Variants in KIDINS220 observed in about 807,000 individuals in gnomAD.
KIDINS220 encodes kinase D-interacting substrate of 220 kDa.
Under a neutral mutation model 157.6 loss-of-function variants are expected in KIDINS220, and 63 were observed. The ratio of observed to expected loss-of-function variants is 0.40; its 90% CI spans 0.33 to 0.49. The LOEUF is 0.49. Among genes scored for constraint, KIDINS220 ranks in the 20% least tolerant of loss-of-function variants. KIDINS220 has a pLI of 0.66. For missense variants in KIDINS220, 1,772 were observed against 2,171.2 expected (o/e 0.82, Z 3.65); for synonymous variants, 732 against 783.6 (o/e 0.93, Z 1.10).
intron 12 of KIDINS220, among the ~76,000 whole-genome samples, chr2:8,793,575 G>A (rs1031207792): frequency 2.0e-5 from 3 of 152,122 alleles, no homozygotes; most frequent in Non-Finnish European, 4.4e-5. Flanking sequence ...AAGAAGCTAG[G>A]ACTACAAGCA....
At chr2:8,777,020 T>C (rs1471008062) in intron 20 of KIDINS220, 128 bp from the exon 21 acceptor site, 9 of 921,636 alleles carry the variant, frequency 9.8e-6, no homozygotes, top group Non-Finnish European at 1.5e-5. Flanking sequence ...AGGAATATCA[T>C]ACAGTAATAA....
chr2:8,825,372 C>CAAAAAAAAAAAAAAGA (rs369409976), intron 2 of KIDINS220, among the ~76,000 whole-genome samples: 3 of 108,610 alleles, frequency 2.8e-5, no homozygotes, highest in East Asian at 2.5e-4. Flanking sequence ...GACTCCGTCT[C>CAAAAAAAAAAAAAAGA]AAAAAAAAAA....
intron 27 of KIDINS220, 79 bp from the exon 28 acceptor site, chr2:8,734,832 C>T (rs1664643822): frequency 3.9e-6 from 4 of 1,036,596 alleles, no homozygotes; most frequent in Admixed American, 2.4e-5. Flanking sequence ...GCCAAGTATG[C>T]TTATATTTAG....
intron 8 of KIDINS220, among the ~76,000 whole-genome samples, chr2:8,802,656 G>A (rs941655471): frequency 3.9e-5 from 6 of 152,024 alleles, no homozygotes; most frequent in African/African-American, 1.4e-4. Flanking sequence ...AGAAGTTAGG[G>A]CACAAGAAAG....
intron 1 of KIDINS220, among the ~76,000 whole-genome samples, chr2:8,827,639 A>G (rs936978386): frequency 3.9e-5 from 6 of 152,072 alleles, no homozygotes; most frequent in Admixed American, 1.3e-4. Flanking sequence ...ATCGCTTCCT[A>G]ACTGGCCTCC....
chr2:8,788,776 C>T lies in KIDINS220; in HGVS notation c.1658G>A (p.Ser553Asn). 1 of 1,613,782 alleles carries T rather than the reference C, an allele frequency of 6.2e-7. No individual in the cohort carries two copies. The highest frequency in any genetic ancestry group is 8.5e-7 in the Non-Finnish European group (1 of 1,179,926). Reference sequence around the variant, plus strand: ...GCTGAGGACCCAGGCCCAATTCCAACTCTCTCCTTCTCTTCGTCCACCAAA... The same window carrying T: ...GCTGAGGACCCAGGCCCAATTCCAATTCTCTCCTTCTCTTCGTCCACCAAA... Reference protein sequence around the residue: ...IYFGGRREGESWNWAWVLSTR... With the variant: ...IYFGGRREGENWNWAWVLSTR... Residue 553 changes from serine (S) to asparagine (N), a missense_variant, in exon 15 of 30, where the codon AGT becomes AAT. Around this residue, in one of 3 missense-constraint regions of KIDINS220, gnomAD observed 725 missense variants for 1,017.1 expected, o/e 0.71. Transcript: ENST00000256707.
intron 22 of KIDINS220, among the ~76,000 whole-genome samples, chr2:8,764,596 A>G (rs1475506132): frequency 6.6e-6 from 1 of 152,190 alleles, no homozygotes; most frequent in African/African-American, 2.4e-5. Flanking sequence ...CATTCAGTCA[A>G]TGTGTACTGA....
At position 8,788,496 on chromosome 2, in the gene KIDINS220, T is replaced by C. The variant is rs1053923995; in HGVS notation, c.1787+151A>G. 3.4e-5 allele frequency: 21 copies of C among 622,284 alleles called. No individual in the cohort carries two copies. The South Asian group carries it at 3.6e-4, about 11-fold the overall frequency. The allele number at this position is 622,284 out of a possible 1,614,324, so 38.5% of individuals were successfully genotyped here. A position where few individuals can be genotyped will look rare whatever the true frequency, so the allele number is the denominator to read the frequency against. On this transcript the variant is annotated intron_variant, in intron 15 of 29. Coordinates refer to ENST00000256707, the MANE Select transcript of KIDINS220 (RefSeq NM_020738.4). ...GTTGGCCAGGCTGGTCTCGAACTCCTGACCTCAGGTGATCTGCCCACCTTG... is the reference window on the plus strand; with the variant it reads ...GTTGGCCAGGCTGGTCTCGAACTCCCGACCTCAGGTGATCTGCCCACCTTG...
rs748531715 is a variant in KIDINS220 at position 8,750,272 on chromosome 2, T to C, written c.3254A>G (p.His1085Arg). The part of the protein sequence containing the change: ...GGLAYPPLPL[H>R]EGPPRAPSGY... ...TGATGGCGCCCTAGGAGGACCCTCA[T>C]GTAGAGGGAGCGGGGGGTACGCCAG... is the stretch of plus-strand genomic sequence containing the variant. The change falls in exon 24 of 30, where the codon CAT (histidine) becomes CGT (arginine). Residue 1085 changes from histidine (H) to arginine (R), a missense_variant. Physicochemically the swap from His to Arg is conservative, Grantham distance 29. Around this residue, in one of 3 missense-constraint regions of KIDINS220, gnomAD observed 793 missense variants for 885.5 expected, o/e 0.90. Transcript: ENST00000256707. The C allele has an allele frequency of 1.4e-5, 22 of 1,613,728 alleles. No homozygotes were observed. In the African/African-American group the frequency reaches 1.9e-4, roughly 14 times the overall value.
intron 3 of KIDINS220, 98 bp from the exon 4 acceptor site, chr2:8,817,814 C>G (rs1677305741): frequency 5.2e-6 from 4 of 767,956 alleles, no homozygotes; most frequent in Non-Finnish European, 8.4e-6. Flanking sequence ...ATGATCATAC[C>G]AAGTTGACAT....
intron 9 of KIDINS220, among the ~76,000 whole-genome samples, chr2:8,799,679 C>T (rs2148317227): frequency 6.6e-6 from 1 of 152,234 alleles, no homozygotes; most frequent in Non-Finnish European, 1.5e-5. Flanking sequence ...ATGTTAATTC[C>T]CCCATAACAT....
intron 8 of KIDINS220, among the ~76,000 whole-genome samples, chr2:8,801,494 A>C (rs1674680803): frequency 6.6e-6 from 1 of 152,240 alleles, no homozygotes; most frequent in Non-Finnish European, 1.5e-5. Context: ...CTAGGAAACA[A>C]GACAGACGCG....
chr2:8,785,712 A>AT (rs1381868332), intron 17 of KIDINS220, 29 bp downstream of exon 17: 3 of 1,577,728 alleles, frequency 1.9e-6, no homozygotes, highest in Non-Finnish European at 2.6e-6. Flanking sequence ...TCGCATTACA[A>AT]TTTTTTCTAA....
At chr2:8,727,096 T>C (rs532744228), downstream of KIDINS220, 98 of 1,048,272 alleles carry the variant, frequency 9.3e-5, 1 homozygote, top group South Asian at 1.5e-3. Flanking sequence ...TTCAGTTGCA[T>C]AATTATGGCC....
intron 26 of KIDINS220, among the ~76,000 whole-genome samples, chr2:8,744,051 T>TTATTAATA (rs1157850554): frequency 1.4e-5 from 2 of 147,956 alleles, no homozygotes; most frequent in Admixed American, 1.4e-4. Flanking sequence ...AGGATTTGTT[T>TTATTAATA]TATTAATATA....
At position 8,729,199 on chromosome 2, in the gene KIDINS220, A is replaced by G; in HGVS notation, c.*1521T>C. 1 of 985,020 alleles carries G rather than the reference A, an allele frequency of 1.0e-6. No homozygotes were observed. Among genetic ancestry groups the G allele is most frequent in the South Asian group, 4.7e-5 (1 of 21,282 alleles). The allele number at this position is 985,020 out of a possible 1,614,324, so 61.0% of individuals were successfully genotyped here. A position where few individuals can be genotyped will look rare whatever the true frequency, so the allele number is the denominator to read the frequency against. The stretch of plus-strand genomic sequence containing the variant: ...AAACATTTGTTAAAGATCATGCAAA[A>G]TAAACACTGTATTAAAATGCTAGAT... On this transcript the variant is annotated 3_prime_UTR_variant, in exon 30 of 30. Transcript: ENST00000256707.
chr2:8,785,910 A>G lies in KIDINS220; in HGVS notation c.2060T>C (p.Leu687Pro), dbSNP rs1672334680. 5.0e-6 allele frequency: 8 copies of G among 1,614,230 alleles called. No homozygotes were observed. The highest frequency in any genetic ancestry group is 6.8e-6 in the Non-Finnish European group (8 of 1,180,028). The change falls in exon 17 of 30, where the codon CTG becomes CCG. Residue 687 changes from leucine (L) to proline (P), a missense_variant. Physicochemically the swap from Leu to Pro is moderately conservative, Grantham distance 98. Coordinates refer to ENST00000256707, the MANE Select transcript of KIDINS220 (RefSeq NM_020738.4). ...LAIFRVDPKH[L>P]TVNAVLISIA... Reference sequence around the variant, plus strand: ...TGATATGAGGACAGCATTTACAGTCAGATGCTTTGGGTCAACTCTAAATAT... The same window carrying G: ...TGATATGAGGACAGCATTTACAGTCGGATGCTTTGGGTCAACTCTAAATAT...
chr2:8,836,695 G>A (rs1182302948), intron 1 of KIDINS220, among the ~76,000 whole-genome samples: 3 of 150,026 alleles, frequency 2.0e-5, no homozygotes, highest in Non-Finnish European at 4.5e-5. Context: ...TAGATGTCTG[G>A]TCCTCAGTGT....
At chr2:8,772,644 G>C (rs1217813178) in intron 21 of KIDINS220, among the ~76,000 whole-genome samples, 1 of 152,042 alleles carries the variant, frequency 6.6e-6, no homozygotes, top group African/African-American at 2.4e-5. Flanking sequence ...CAACGAATAT[G>C]TCTAAGATAA....
Sources: allele counts gnomAD v4.1 joint callset (sites outside exome capture counted in the v4.1 genomes callset), GRCh38; gene constraint gnomAD v4.1.1; regional missense constraint gnomAD v4.1.1; transcripts MANE v1.5; gene names NCBI Gene and HGNC (gene_info 2026-07-23, HGNC 2026-07-21).